Variants in ADGRF5 observed in about 807,000 individuals in gnomAD.
ADGRF5 encodes the protein adhesion G protein-coupled receptor F5, also known as G-protein coupled receptor 116.
ADGRF5 carries 75 observed loss-of-function variants against 132.3 expected under a neutral mutation model. The ratio of observed to expected loss-of-function variants is 0.57; its 90% confidence interval spans 0.47 to 0.69. The LOEUF (loss-of-function observed/expected upper bound fraction) is 0.69. ADGRF5 is among the 30% of genes least tolerant of loss of function. The pLI is 0.00. For missense variants in ADGRF5, 1,516 were observed against 1,630.6 expected (o/e 0.93, Z 1.21); for synonymous variants, 629 against 597.6 (o/e 1.05, Z -0.77).
At position 46,878,775 on chromosome 6, in the gene ADGRF5, T is replaced by A. The variant is rs1772109288; in HGVS notation, c.1037-370A>T. Among the ~76,000 whole-genome samples the A allele has an allele frequency of 3.9e-5, 6 of 152,236 alleles. No individual in the cohort carries two copies. In the South Asian group the frequency reaches 1.2e-3, roughly 31 times the overall value. ...TGTTGTAAATCAAAATCAACAACTA[T>A]GTGATAGGACCCATATGTCTATAGC... is the stretch of plus-strand genomic sequence containing the variant. On this transcript the variant is annotated intron_variant, in intron 9 of 20. Transcript: ENST00000283296.
intron 1 of ADGRF5, among the ~76,000 whole-genome samples, chr6:46,945,902 A>G (rs910686526): frequency 3.9e-5 from 6 of 152,310 alleles, no homozygotes; most frequent in Admixed American, 3.3e-4. Flanking sequence ...GGGAACTCCC[A>G]TTTATTAAAC....
At chr6:46,892,840 C>T (rs947392212) in intron 3 of ADGRF5, among the ~76,000 whole-genome samples, 1 of 152,116 alleles carries the variant, frequency 6.6e-6, no homozygotes, top group African/African-American at 2.4e-5. Flanking sequence ...AAGCGTTGCT[C>T]CGCTCATCTG....
At chr6:46,923,893 G>A (rs1271436950), upstream of ADGRF5, among the ~76,000 whole-genome samples, 1 of 152,180 alleles carries the variant, frequency 6.6e-6, no homozygotes, top group African/African-American at 2.4e-5. Flanking sequence ...CACAGCAGCC[G>A]TTTTCTTGAA....
chr6:46,947,708 C>CT (rs1355222269), intron 1 of ADGRF5, among the ~76,000 whole-genome samples: 1 of 152,210 alleles, frequency 6.6e-6, no homozygotes, highest in East Asian at 1.9e-4. Context: ...CTGTGAACCT[C>CT]TGAGGGGTGT....
At chr6:46,939,780 G>A (rs1777983034) in intron 1 of ADGRF5, among the ~76,000 whole-genome samples, 1 of 152,174 alleles carries the variant, frequency 6.6e-6, no homozygotes, top group Non-Finnish European at 1.5e-5. Context: ...CATTTTTTCT[G>A]TATATAATAG....
chr6:46,899,677 G>T (rs1245935780), intron 3 of ADGRF5, among the ~76,000 whole-genome samples: 19 of 144,610 alleles, frequency 1.3e-4, no homozygotes, highest in African/African-American at 4.1e-4. Flanking sequence ...TGTTTGTTTT[G>T]TTTTTTTTTT....
intron 1 of ADGRF5, among the ~76,000 whole-genome samples, chr6:46,908,274 T>G (rs747473981): frequency 6.6e-6 from 1 of 152,204 alleles, no homozygotes; most frequent in African/African-American, 2.4e-5. Flanking sequence ...ATCATAGCAA[T>G]GTACTGCTTA....
At chr6:46,885,463 A>G (rs544429716) in intron 4 of ADGRF5, among the ~76,000 whole-genome samples, 3 of 152,266 alleles carry the variant, frequency 2.0e-5, no homozygotes, top group Non-Finnish European at 4.4e-5. Context: ...CAAAGACAAA[A>G]AGAAAAAAGT....
At chr6:46,862,843 T>C (rs752576966) in intron 15 of ADGRF5, 45 bp downstream of exon 15, 2 of 1,269,650 alleles carry the variant, frequency 1.6e-6, no homozygotes, top group Admixed American at 1.7e-5. Context: ...ATCAGCCAGA[T>C]AGATCGCCCC....
intron 3 of ADGRF5, among the ~76,000 whole-genome samples, 196 bp from the exon 4 acceptor site, chr6:46,888,701 A>G (rs1773309847): frequency 6.6e-6 from 1 of 152,214 alleles, no homozygotes; most frequent in African/African-American, 2.4e-5. Context: ...AAGGCCAAGC[A>G]CTGCTGTGTG....
intron 4 of ADGRF5, among the ~76,000 whole-genome samples, 185 bp from the exon 5 acceptor site, chr6:46,884,456 C>T (rs220663): frequency 0.89 from 136,191 of 152,278 alleles, 61,058 homozygotes; most frequent in African/African-American, 0.94. Flanking sequence ...TGCTATTAGC[C>T]ATGACAATCT....
In ADGRF5 at chr6:46,878,307, T is replaced by A; in HGVS notation, c.1135A>T (p.Lys379Ter). ...ACAGGATTGTTGTCGCACATCACCT[T>A]CATTTCTTCATTTGCCAAAATTTGG... ...PIQILANEEMKVMCDNNPVSL... is the reference protein window; with the variant it reads ...PIQILANEEM Residue 379 changes from lysine (K) to a stop codon, truncating the protein, a stop_gained, in exon 10 of 21, where the codon AAG becomes TAG. Coordinates refer to ENST00000283296, the MANE Select transcript of ADGRF5 (RefSeq NM_001098518.2). LOFTEE classifies it high-confidence loss of function. 1 of 1,613,286 alleles carries A rather than the reference T, an allele frequency of 6.2e-7. No individual in the cohort carries two copies. The highest frequency in any genetic ancestry group is 8.5e-7 in the Non-Finnish European group (1 of 1,179,258).
intron 13 of ADGRF5, among the ~76,000 whole-genome samples, chr6:46,865,979 C>A (rs1226845157): frequency 7.7e-6 from 1 of 130,474 alleles, no homozygotes; most frequent in African/African-American, 2.9e-5. Context: ...CTTGTAAATC[C>A]CTCATGAAGT....
chr6:46,938,303 A>G (rs1431032105), intron 1 of ADGRF5, among the ~76,000 whole-genome samples: 1 of 152,124 alleles, frequency 6.6e-6, no homozygotes, highest in Non-Finnish European at 1.5e-5. Flanking sequence ...TAAGAAGCAA[A>G]TCAGAGCTGA....
chr6:46,946,063 T>G (rs978244288), intron 1 of ADGRF5, among the ~76,000 whole-genome samples: 4 of 152,142 alleles, frequency 2.6e-5, no homozygotes, highest in African/African-American at 9.7e-5. Context: ...AGCCAAACTA[T>G]ATCAACAGAG....
intron 1 of ADGRF5, among the ~76,000 whole-genome samples, chr6:46,932,829 C>G (rs182097257): frequency 6.6e-6 from 1 of 152,146 alleles, no homozygotes; most frequent in Non-Finnish European, 1.5e-5. Context: ...AGACTCCTCT[C>G]AATTCCTTTG....
intron 14 of ADGRF5, among the ~76,000 whole-genome samples, chr6:46,864,714 C>T (rs980212548): frequency 1.3e-5 from 2 of 151,940 alleles, no homozygotes; most frequent in African/African-American, 2.4e-5. Context: ...TTAGTAGAGA[C>T]GAGGTTTCAC....
At chr6:46,950,703 C>T (rs368385957) in intron 1 of ADGRF5, among the ~76,000 whole-genome samples, 3 of 152,072 alleles carry the variant, frequency 2.0e-5, no homozygotes, top group South Asian at 2.1e-4. Context: ...TTAGTAGAGA[C>T]GGGGTTTCAC....
chr6:46,869,701 A>G (rs1018413789), intron 11 of ADGRF5, among the ~76,000 whole-genome samples: 6 of 152,174 alleles, frequency 3.9e-5, no homozygotes, highest in Non-Finnish European at 4.4e-5. Flanking sequence ...AAGTACAAGA[A>G]TCATAGCCTG....
Sources: allele counts gnomAD v4.1 joint callset (sites outside exome capture counted in the v4.1 genomes callset), GRCh38; gene constraint gnomAD v4.1.1; transcripts MANE v1.5; gene names NCBI Gene and HGNC (gene_info 2026-07-23, HGNC 2026-07-21).